Variants in CHST15 observed in about 807,000 individuals in gnomAD.
CHST15 encodes the protein B cell RAG associated protein (GALNAC4S-6ST).
CHST15 carries 30 observed loss-of-function variants against 53.6 expected under a neutral mutation model. The observed-to-expected ratio is 0.56, with a 90% CI of 0.42 to 0.76. The LOEUF (loss-of-function observed/expected upper bound fraction) is 0.76. Ranked by LOEUF, CHST15 falls within the 30% of genes least tolerant of loss-of-function variation. The pLI, the probability that CHST15 is intolerant of heterozygous loss-of-function variation, is 0.00. For synonymous variants in CHST15, 296 were observed against 289.8 expected, an observed-to-expected ratio of 1.02 and a Z score of -0.22; for missense variants, 627 against 740.5, an observed-to-expected ratio of 0.85 and a Z score of 1.78.
intron 1 of CHST15, among the ~76,000 whole-genome samples, chr10:124,078,722 C>T (rs1230800504): frequency 6.6e-6 from 1 of 152,196 alleles, no homozygotes; most frequent in Non-Finnish European, 1.5e-5. Flanking sequence ...AACAACAATG[C>T]TAAAGCTTAT....
chr10:124,044,498 C>A, intron 3 of CHST15, 82 bp downstream of exon 3: 1 of 1,212,212 alleles, frequency 8.2e-7, no homozygotes. Flanking sequence ...CCCTCGCCCC[C>A]CAACCCCAGC....
chr10:124,057,419 T>C (rs1283977312), intron 1 of CHST15, among the ~76,000 whole-genome samples: 1 of 152,184 alleles, frequency 6.6e-6, no homozygotes, highest in African/African-American at 2.4e-5. Flanking sequence ...CACCTCTTTA[T>C]TTAAACACCT....
At chr10:124,091,254 T>A (rs1261391777) in intron 1 of CHST15, among the ~76,000 whole-genome samples, 1 of 152,190 alleles carries the variant, frequency 6.6e-6, no homozygotes, top group Non-Finnish European at 1.5e-5. Flanking sequence ...AATCAAGAGA[T>A]CCTAGTTCAA....
Position 124,010,341 on chromosome 10 carries a change from T to C in CHST15, c.1496-2A>G, listed in dbSNP as rs768976343. 1 of 1,575,884 alleles carries C rather than the reference T, an allele frequency of 6.3e-7. No homozygotes were observed. The highest frequency in any genetic ancestry group is 8.6e-7 in the Non-Finnish European group (1 of 1,160,904). The stretch of plus-strand genomic sequence containing the variant: ...CCTCCTGCTTCTCACTTAAGGGCCC[T>C]AGAATAAAAGAAGACGAGTCCCGTA... On this transcript the variant is annotated splice_acceptor_variant, in intron 7 of 7. Coordinates refer to ENST00000435907, the MANE Select transcript of CHST15 (RefSeq NM_001270764.2). LOFTEE classifies it high-confidence loss of function.
At chr10:124,037,174 C>T (rs1947529678) in intron 5 of CHST15, among the ~76,000 whole-genome samples, 1 of 152,172 alleles carries the variant, frequency 6.6e-6, no homozygotes, top group Non-Finnish European at 1.5e-5. Flanking sequence ...CTCATTTTAA[C>T]CGGAGTGCAT....
rs77505512 is a variant in CHST15 at position 124,037,309 on chromosome 10, A to G, written c.1190+1206T>C. Among the ~76,000 whole-genome samples, 1,956 of 152,296 alleles carry G rather than the reference A, an allele frequency of 0.013. 29 individuals are homozygous for G. In the Middle Eastern group the frequency reaches 0.14, roughly 11 times the overall value. ...GAAGATGTAGTTGGCCCAAAGGAAA[A>G]TAAGACACAAAGGGCTGTGGTCCCT... On this transcript the variant is annotated intron_variant, in intron 5 of 7. Transcript: ENST00000435907.
intron 4 of CHST15, among the ~76,000 whole-genome samples, 195 bp downstream of exon 4, chr10:124,042,106 T>C (rs942404412): frequency 1.3e-5 from 2 of 152,252 alleles, no homozygotes; most frequent in African/African-American, 4.8e-5. Context: ...TTCCACTTTA[T>C]AGTAATGTTC....
At position 124,044,691 on chromosome 10, in the gene CHST15, T is replaced by A. The variant is rs757620385; in HGVS notation, c.775A>T (p.Ile259Leu). 4 of 1,613,694 alleles carry A rather than the reference T, an allele frequency of 2.5e-6. No homozygotes were observed. In the Admixed American group the frequency reaches 5.0e-5, roughly 20 times the overall value. Residue 259 changes from isoleucine to leucine, a missense_variant, in exon 3 of 8, where the codon ATA becomes TTA. Physicochemically the swap from Ile to Leu is conservative, Grantham distance 5 (BLOSUM62 2). Coordinates refer to ENST00000435907, the MANE Select transcript of CHST15 (RefSeq NM_001270764.2). ...GTGGTCCCGCACTTGGGCTGCCCTATGATGTAGAAGTGCGGCAGGCAGCGC... is the reference window on the plus strand; with the variant it reads ...GTGGTCCCGCACTTGGGCTGCCCTAAGATGTAGAAGTGCGGCAGGCAGCGC... Reference protein sequence around the residue: ...RLRCLPHFYIIGQPKCGTTDL... With the variant: ...RLRCLPHFYILGQPKCGTTDL...
intron 5 of CHST15, among the ~76,000 whole-genome samples, chr10:124,038,074 G>A (rs975309098): frequency 6.6e-6 from 1 of 151,918 alleles, no homozygotes; most frequent in Non-Finnish European, 1.5e-5. Flanking sequence ...CAGTAACGTT[G>A]CAAGTTCCGT....
At chr10:124,038,295 G>A (rs1354339722) in intron 5 of CHST15, among the ~76,000 whole-genome samples, 2 of 152,036 alleles carry the variant, frequency 1.3e-5, no homozygotes, top group East Asian at 3.9e-4. Flanking sequence ...TAGTAGAGAT[G>A]GGGTTTCACC....
chr10:124,008,698 C>A lies in CHST15; in HGVS notation c.*1451G>T. ...TCTGTCTCACACATACAAGTTAGAG[C>A]TGGGTAGACGGGTGCTTGCACTTTC... On this transcript the variant is annotated 3_prime_UTR_variant, in exon 8 of 8. Coordinates refer to ENST00000435907, the MANE Select transcript of CHST15 (RefSeq NM_001270764.2). The A allele has an allele frequency of 2.6e-6, 3 of 1,138,218 alleles. No homozygotes were observed. Among genetic ancestry groups the A allele is most frequent in the Non-Finnish European group, 3.3e-6 (3 of 910,678 alleles). The allele number at this position is 1,138,218 out of a possible 1,614,324, so 70.5% of individuals were successfully genotyped here. A position where few individuals can be genotyped will look rare whatever the true frequency, so the allele number is the denominator to read the frequency against.
chr10:124,057,163 C>G (rs1217759912), intron 1 of CHST15, among the ~76,000 whole-genome samples: 2 of 152,174 alleles, frequency 1.3e-5, no homozygotes, highest in Non-Finnish European at 2.9e-5. Context: ...TCTGTTTCTC[C>G]GTATATAAGA....
intron 1 of CHST15, among the ~76,000 whole-genome samples, chr10:124,048,685 G>A (rs990813019): frequency 3.3e-5 from 5 of 152,210 alleles, no homozygotes; most frequent in African/African-American, 7.2e-5. Flanking sequence ...GGGCCAAGCC[G>A]GGGTTAAAAA....
At chr10:124,053,884 A>T (rs530470585) in intron 1 of CHST15, among the ~76,000 whole-genome samples, 1 of 152,064 alleles carries the variant, frequency 6.6e-6, no homozygotes, top group Admixed American at 6.5e-5. Flanking sequence ...ACACCACTGC[A>T]CTCCAGCCTG....
Position 124,045,112 on chromosome 10 carries a change from CAAA to C in CHST15, c.547-196_547-194del, listed in dbSNP as rs758243657. ...TGCTTTCCTCTCCCCCGCCGCCCCA[CAAA>C]AAAAAAAAAAAAAAAAAAAAAAAAA... On this transcript the variant is annotated intron_variant, in intron 2 of 7. Coordinates refer to ENST00000435907, the MANE Select transcript of CHST15 (RefSeq NM_001270764.2). Among the ~76,000 whole-genome samples the C allele has an allele frequency of 3.0e-3, 100 of 33,742 alleles. 1 individual carries two copies. The highest frequency in any genetic ancestry group is 0.012 in the East Asian group (10 of 802). The allele number at this position is 33,742 out of a possible 152,430, so 22.1% of individuals were successfully genotyped here.
intron 1 of CHST15, among the ~76,000 whole-genome samples, chr10:124,047,719 G>A (rs781096513): frequency 3.3e-5 from 5 of 152,196 alleles, no homozygotes; most frequent in South Asian, 2.1e-4. Flanking sequence ...CATGTAAACA[G>A]TTTGAATAAT....
intron 5 of CHST15, among the ~76,000 whole-genome samples, chr10:124,034,720 C>G (rs1238388377): frequency 7.2e-6 from 1 of 138,446 alleles, no homozygotes; most frequent in African/African-American, 2.8e-5. Context: ...GACCCCGGCT[C>G]CACCCCCTAA....
chr10:124,079,133 ATTTCT>A (rs948077611), intron 1 of CHST15, among the ~76,000 whole-genome samples: 8 of 151,536 alleles, frequency 5.3e-5, no homozygotes, highest in African/African-American at 1.5e-4. Flanking sequence ...AGAAAAAAAA[ATTTCT>A]TTTATCTTTC....
At position 124,046,152 on chromosome 10, in the gene CHST15, C is replaced by G. The variant is rs1947997050; in HGVS notation, c.61G>C (p.Val21Leu). The change falls in exon 2 of 8, where the codon GTC becomes CTC. Residue 21 changes from valine (V) to leucine (L), a missense_variant. This residue lies in a region of CHST15 where 187 missense variants were observed against 251.8 expected (regional missense o/e 0.74). Coordinates refer to ENST00000435907, the MANE Select transcript of CHST15 (RefSeq NM_001270764.2). ...LLPDGAHKQQ[V>L]NCQGGPHHGH... Reference sequence around the variant, plus strand: ...TGATGGGGGCCCCCTTGGCAGTTGACCTGCTGCTTGTGTGCGCCGTCGGGT... The same window carrying G: ...TGATGGGGGCCCCCTTGGCAGTTGAGCTGCTGCTTGTGTGCGCCGTCGGGT... 1.2e-6 allele frequency: 2 copies of G among 1,613,950 alleles called. No homozygotes were observed.
Sources: gnomAD v4.1 joint callset for allele counts (sites outside exome capture counted in the v4.1 genomes callset) on GRCh38, gnomAD v4.1.1 for gene constraint, gnomAD v4.1.1 regional missense constraint, MANE v1.5 for transcripts, NCBI Gene and HGNC (gene_info 2026-07-23, HGNC 2026-07-21) for gene names.